IL1RAPL2: variants seen among roughly 807,000 people sequenced by gnomAD.
The protein encoded by IL1RAPL2 is interleukin 1 receptor accessory protein like 2.
A neutral mutation model predicts 44.1 loss-of-function variants in IL1RAPL2; 3 were observed. That is an observed-to-expected ratio of 0.07 (90% CI 0.03 to 0.18). IL1RAPL2 has a LOEUF of 0.18. Ranked by LOEUF, IL1RAPL2 falls within the 10% of genes least tolerant of loss-of-function variation. The pLI is 1.00. For missense variants in IL1RAPL2, 391 were observed against 496.4 expected (o/e 0.79, Z 2.02); for synonymous variants, 181 against 178.8 (o/e 1.01, Z -0.10).
In IL1RAPL2 at chrX:105,351,143, G is replaced by A. The variant is rs376722151; in HGVS notation, c.697+83602G>A. 4.5e-5 allele frequency among the ~76,000 whole-genome samples: 5 copies of A among 111,687 alleles called. No individual in the cohort carries two copies. In the South Asian group the frequency reaches 1.1e-3, roughly 25 times the overall value. Reference sequence around the variant, plus strand: ...AAACAACACATGCTAGAGAGGATGTGGAGAAACAGGAACACTTTTACACTG... The same window carrying A: ...AAACAACACATGCTAGAGAGGATGTAGAGAAACAGGAACACTTTTACACTG... On this transcript the variant is annotated intron_variant, in intron 5 of 10. Coordinates refer to ENST00000372582, the MANE Select transcript of IL1RAPL2 (RefSeq NM_017416.2).
chrX:104,888,014 A>C (rs750330785), intron 2 of IL1RAPL2, among the ~76,000 whole-genome samples: 1 of 111,674 alleles, frequency 9.0e-6, no homozygotes, highest in Non-Finnish European at 1.9e-5. Context: ...CCCATGCTGC[A>C]ATATGGAAAT....
At chrX:105,185,200 C>A (rs192914158) in intron 2 of IL1RAPL2, among the ~76,000 whole-genome samples, 1 of 111,414 alleles carries the variant, frequency 9.0e-6, no homozygotes, top group East Asian at 2.8e-4. Context: ...TATCTCAAGG[C>A]AGGGGTTTGA....
chrX:105,111,083 A>G (rs1334354431), intron 2 of IL1RAPL2, among the ~76,000 whole-genome samples: 4 of 112,133 alleles, frequency 3.6e-5, no homozygotes, highest in Non-Finnish European at 7.5e-5. Flanking sequence ...AGAGTTGATA[A>G]ACATGGATAA....
chrX:105,266,491 GA>G (rs1261164389), intron 4 of IL1RAPL2, among the ~76,000 whole-genome samples: 5 of 111,282 alleles, frequency 4.5e-5, no homozygotes, highest in Admixed American at 9.6e-5. Flanking sequence ...TAAGTAGTCT[GA>G]AAAAAAATTC....
chrX:104,647,201 C>T, intron 1 of IL1RAPL2: 1 of 334,248 alleles, frequency 3.0e-6, no homozygotes, highest in South Asian at 3.2e-5. Context: ...GGTGGGCCCC[C>T]ACTGGGACAG....
At chrX:104,838,175 T>C (rs920293886) in intron 2 of IL1RAPL2, among the ~76,000 whole-genome samples, 1 of 111,968 alleles carries the variant, frequency 8.9e-6, no homozygotes, top group Non-Finnish European at 1.9e-5. Flanking sequence ...CCTCCAGCTT[T>C]GTTCTTTTTG....
At chrX:104,582,592 TTCTTTTTCTTTC>T (rs1569487378) in intron 1 of IL1RAPL2, among the ~76,000 whole-genome samples, 1 of 31,395 alleles carries the variant, frequency 3.2e-5, no homozygotes, top group Non-Finnish European at 6.6e-5. Flanking sequence ...CTTTCTTTCT[TTCTTTTTCTTTC>T]TTTCTTTCTT....
At chrX:105,588,406 A>C (rs967198541) in intron 6 of IL1RAPL2, among the ~76,000 whole-genome samples, 3 of 111,828 alleles carry the variant, frequency 2.7e-5, no homozygotes, top group African/African-American at 9.7e-5. Context: ...CTTTTATTTG[A>C]GGTTCAGGGA....
At chrX:105,729,876 AGAAGGAAGGAAGGAAGGAAGGAAGGAAG>A (rs768197336) in intron 7 of IL1RAPL2, among the ~76,000 whole-genome samples, 1 of 51,259 alleles carries the variant, frequency 2.0e-5, no homozygotes, top group Non-Finnish European at 3.5e-5. Context: ...AAGGAAGGAA[AGAAGGAAGGAAGGAAGGAAGGAAGGAAG>A]GAAGGAAGGA....
chrX:104,582,390 A>C, intron 1 of IL1RAPL2, among the ~76,000 whole-genome samples: 1 of 112,006 alleles, frequency 8.9e-6, no homozygotes, highest in Non-Finnish European at 1.9e-5. Context: ...TGAAAAAAAG[A>C]CTGCTAAAAC....
At chrX:104,634,294 G>A (rs1160100353) in intron 1 of IL1RAPL2, among the ~76,000 whole-genome samples, 1 of 111,810 alleles carries the variant, frequency 8.9e-6, no homozygotes, top group Non-Finnish European at 1.9e-5. Flanking sequence ...TAAGTGCGGT[G>A]TGGTGCTGAA....
intron 3 of IL1RAPL2, among the ~76,000 whole-genome samples, chrX:105,196,227 A>G (rs926842483): frequency 4.5e-5 from 5 of 111,123 alleles, no homozygotes; most frequent in Non-Finnish European, 7.5e-5. Flanking sequence ...GGTTGCAGTG[A>G]GCCGAGATCG....
chrX:104,699,999 G>A (rs1212308186), intron 2 of IL1RAPL2, among the ~76,000 whole-genome samples: 2 of 111,567 alleles, frequency 1.8e-5, no homozygotes, highest in Non-Finnish European at 3.8e-5. Flanking sequence ...CTAGTCATGT[G>A]GCCACATCTG....
intron 6 of IL1RAPL2, among the ~76,000 whole-genome samples, chrX:105,672,593 A>G (rs2037833760): frequency 8.9e-6 from 1 of 112,504 alleles, no homozygotes; most frequent in South Asian, 3.7e-4. Context: ...TCACATAGAT[A>G]CTGCAAAGGG....
chrX:104,947,755 T>C (rs984082067), intron 2 of IL1RAPL2, among the ~76,000 whole-genome samples: 1 of 112,019 alleles, frequency 8.9e-6, no homozygotes, highest in Non-Finnish European at 1.9e-5. Context: ...CTCAGGGTTC[T>C]GTTCTGTTCC....
At chrX:105,520,192 G>A (rs1163578960) in intron 6 of IL1RAPL2, among the ~76,000 whole-genome samples, 1 of 111,637 alleles carries the variant, frequency 9.0e-6, no homozygotes, top group Non-Finnish European at 1.9e-5. Context: ...CAAGAATTAA[G>A]TGTTGGGAAT....
chrX:104,838,847 CTTTTTT>C (rs3086025), intron 2 of IL1RAPL2, among the ~76,000 whole-genome samples: 2 of 36,295 alleles, frequency 5.5e-5, no homozygotes, highest in African/African-American at 9.0e-5. Context: ...TTCTTTCTTT[CTTTTTT>C]TTTTTTTTTT....
intron 10 of IL1RAPL2, among the ~76,000 whole-genome samples, 194 bp from the exon 11 acceptor site, chrX:105,766,770 G>A (rs929908337): frequency 2.9e-5 from 3 of 104,200 alleles, no homozygotes; most frequent in Non-Finnish European, 5.8e-5. Context: ...GTAATGGTGA[G>A]GGAAAAGAAA....
intron 2 of IL1RAPL2, among the ~76,000 whole-genome samples, chrX:105,043,830 G>A (rs1268241577): frequency 9.0e-6 from 1 of 111,559 alleles, no homozygotes; most frequent in African/African-American, 3.3e-5. Context: ...TTTTCATCAT[G>A]AAAAGTTCCC....
Sources: gnomAD v4.1 joint callset for allele counts (sites outside exome capture counted in the v4.1 genomes callset) on GRCh38, gnomAD v4.1.1 for gene constraint, MANE v1.5 for transcripts, NCBI Gene and HGNC (gene_info 2026-07-23, HGNC 2026-07-21) for gene names.